CACNA2D3: variants seen among roughly 807,000 people sequenced by gnomAD.
CACNA2D3 encodes voltage-dependent calcium channel subunit alpha-2/delta-3.
A neutral mutation model predicts 160.6 loss-of-function variants in CACNA2D3; 60 were observed. The observed-to-expected ratio is 0.37, with a 90% CI of 0.30 to 0.46. The LOEUF is 0.46. Among genes scored for constraint, CACNA2D3 ranks in the 20% least tolerant of loss-of-function variants. The pLI, the probability that CACNA2D3 is intolerant of heterozygous loss-of-function variation, is 1.00. For synonymous variants in CACNA2D3, 558 were observed against 492.9 expected (o/e 1.13, Z -1.75); for missense variants, 1,205 against 1,365.0 (o/e 0.88, Z 1.85).
At chr3:54,169,695 A>G (rs990880082) in intron 2 of CACNA2D3, among the ~76,000 whole-genome samples, 14 of 131,690 alleles carry the variant, frequency 1.1e-4, no homozygotes, top group Non-Finnish European at 2.1e-4. Context: ...ATGTGTGTGC[A>G]TGTGTGTGTG....
intron 4 of CACNA2D3, among the ~76,000 whole-genome samples, chr3:54,441,719 A>C (rs1177452382): frequency 6.6e-6 from 1 of 152,224 alleles, no homozygotes; most frequent in African/African-American, 2.4e-5. Context: ...CATTAAACAA[A>C]TGTGTTCTAG....
intron 4 of CACNA2D3, among the ~76,000 whole-genome samples, chr3:54,453,588 A>G (rs909016034): frequency 1.1e-4 from 16 of 152,142 alleles, no homozygotes; most frequent in Admixed American, 1.0e-3. Context: ...TGGCTCTCAT[A>G]AGTGAAATAT....
At chr3:54,259,453 A>T (rs1393159959) in intron 2 of CACNA2D3, among the ~76,000 whole-genome samples, 1 of 152,222 alleles carries the variant, frequency 6.6e-6, no homozygotes, top group African/African-American at 2.4e-5. Context: ...AAAACCCTCA[A>T]AAAAAGAAAA....
intron 2 of CACNA2D3, among the ~76,000 whole-genome samples, chr3:54,194,134 A>G (rs1701029692): frequency 6.6e-6 from 1 of 152,182 alleles, no homozygotes; most frequent in Non-Finnish European, 1.5e-5. Flanking sequence ...ACATACAATT[A>G]AAAGGAATAT....
Position 54,764,334 on chromosome 3 carries a change from G to A in CACNA2D3, c.1363G>A (p.Ala455Thr). The A allele has an allele frequency of 6.2e-7, 1 of 1,613,790 alleles. No homozygotes were observed. The highest frequency in any genetic ancestry group is 8.5e-7 in the Non-Finnish European group (1 of 1,179,764). The change falls in exon 13 of 38, where the codon GCT becomes ACT. Residue 455 changes from alanine to threonine, a missense_variant. By Grantham distance (58) the Ala-to-Thr change is moderately conservative. This residue lies in a region of CACNA2D3 where 911 missense variants were observed against 1,002.2 expected (regional missense o/e 0.91). Coordinates refer to ENST00000474759, the MANE Select transcript of CACNA2D3 (RefSeq NM_018398.3). ...GGAGCATGATGTGGTGTGGACCGAA[G>A]CTTACATTGACAGCACTGTGAGTCC... ...DQEHDVVWTE[A>T]YIDSTLPQAQ... is the part of the protein sequence containing the mutation.
intron 36 of CACNA2D3, 42 bp from the exon 37 acceptor site, chr3:55,073,735 G>GA (rs1441814460): frequency 3.9e-6 from 6 of 1,551,344 alleles, no homozygotes; most frequent in Admixed American, 3.4e-5. Context: ...ATGCAGAGTA[G>GA]AAAAAAGCAA....
intron 2 of CACNA2D3, among the ~76,000 whole-genome samples, chr3:54,242,463 GAAATA>G (rs1235282124): frequency 2.6e-5 from 4 of 151,954 alleles, no homozygotes; most frequent in African/African-American, 9.7e-5. Flanking sequence ...GAAATGAAAT[GAAATA>G]AAATAAATAG....
intron 2 of CACNA2D3, among the ~76,000 whole-genome samples, chr3:54,200,744 G>A (rs1559880213): frequency 6.6e-6 from 1 of 152,188 alleles, no homozygotes; most frequent in Non-Finnish European, 1.5e-5. Context: ...CTAGGGTATT[G>A]CATTTCATAG....
At chr3:54,466,742 C>T (rs533204848) in intron 4 of CACNA2D3, among the ~76,000 whole-genome samples, 7 of 152,260 alleles carry the variant, frequency 4.6e-5, no homozygotes, top group African/African-American at 7.2e-5. Flanking sequence ...TTCTAGGCTG[C>T]GTTGAGTTTT....
chr3:54,892,973 G>A (rs1237429262), intron 25 of CACNA2D3, among the ~76,000 whole-genome samples: 1 of 152,048 alleles, frequency 6.6e-6, no homozygotes, highest in Non-Finnish European at 1.5e-5. Context: ...TTACTGTGAA[G>A]ATCAAAAAAA....
At chr3:54,340,998 C>G (rs1302432825) in intron 3 of CACNA2D3, among the ~76,000 whole-genome samples, 1 of 152,230 alleles carries the variant, frequency 6.6e-6, no homozygotes, top group Non-Finnish European at 1.5e-5. Context: ...TGCTCTGAAG[C>G]TTCACGCCTG....
At chr3:54,556,389 G>A (rs1287226511) in intron 5 of CACNA2D3, among the ~76,000 whole-genome samples, 1 of 152,140 alleles carries the variant, frequency 6.6e-6, no homozygotes, top group Non-Finnish European at 1.5e-5. Flanking sequence ...AAGCCAAGAA[G>A]TATCAAGGAC....
chr3:54,421,242 A>G (rs1016991492), intron 4 of CACNA2D3, among the ~76,000 whole-genome samples: 20 of 152,200 alleles, frequency 1.3e-4, no homozygotes, highest in Admixed American at 5.2e-4. Context: ...GTAGAAGACA[A>G]ATCTTTCCTT....
intron 27 of CACNA2D3, among the ~76,000 whole-genome samples, chr3:54,926,540 A>G (rs1454718049): frequency 1.4e-5 from 2 of 143,190 alleles, no homozygotes; most frequent in Admixed American, 6.8e-5. Context: ...ACACACACAC[A>G]CACACACACA....
intron 2 of CACNA2D3, among the ~76,000 whole-genome samples, chr3:54,295,411 C>T (rs1703317650): frequency 6.8e-6 from 1 of 146,032 alleles, no homozygotes; most frequent in Admixed American, 6.8e-5. Context: ...GACACAGCCT[C>T]AGAAGGTCCT....
intron 25 of CACNA2D3, chr3:54,894,697 C>A: frequency 2.1e-6 from 1 of 486,702 alleles, no homozygotes; most frequent in Non-Finnish European, 4.1e-6. Flanking sequence ...CTGCCATGGG[C>A]CAGGCAACAG....
intron 4 of CACNA2D3, among the ~76,000 whole-genome samples, chr3:54,420,352 G>C (rs1699819413): frequency 6.6e-6 from 1 of 152,180 alleles, no homozygotes; most frequent in Non-Finnish European, 1.5e-5. Flanking sequence ...CAAAGTGCTG[G>C]GAGTACAGGC....
At chr3:54,229,296 A>G (rs909935057) in intron 2 of CACNA2D3, among the ~76,000 whole-genome samples, 2 of 150,942 alleles carry the variant, frequency 1.3e-5, no homozygotes, top group African/African-American at 4.9e-5. Flanking sequence ...GATTCATGCC[A>G]TTCTCCTGCC....
chr3:54,876,626 G>A (rs1699666147), intron 18 of CACNA2D3, among the ~76,000 whole-genome samples: 1 of 152,342 alleles, frequency 6.6e-6, no homozygotes, highest in South Asian at 2.1e-4. Flanking sequence ...TCTGATTTGG[G>A]AAGCAGAGGT....
Sources: gnomAD v4.1 joint callset for allele counts (sites outside exome capture counted in the v4.1 genomes callset) on GRCh38, gnomAD v4.1.1 for gene constraint, gnomAD v4.1.1 regional missense constraint, MANE v1.5 for transcripts, NCBI Gene and HGNC (gene_info 2026-07-23, HGNC 2026-07-21) for gene names.